Variants in TEX9 observed in about 807,000 individuals in gnomAD.
TEX9 encodes the protein testis-expressed protein 9.
In TEX9, 74 loss-of-function variants were observed where a neutral mutation model predicts 59.6. The ratio of observed to expected loss-of-function variants is 1.24; its 90% CI spans 1.03 to 1.51. The LOEUF (loss-of-function observed/expected upper bound fraction) is 1.51, where lower values mean the gene tolerates loss of function less well. Ranked by LOEUF, TEX9 falls within the 40% of genes most tolerant of loss-of-function variation. The pLI is 0.00. For missense variants in TEX9, 522 were observed against 447.8 expected (o/e 1.17, Z -1.49); for synonymous variants, 186 against 152.2 (o/e 1.22, Z -1.64).
At chr15:56,427,837 C>A in intron 11 of TEX9, 98 bp downstream of exon 11, 2 of 901,734 alleles carry the variant, frequency 2.2e-6, no homozygotes, top group Non-Finnish European at 1.6e-6. Flanking sequence ...GACATCTTTA[C>A]GCACTGAACT....
At chr15:56,441,384 T>A (rs557653899) in intron 12 of TEX9, among the ~76,000 whole-genome samples, 4 of 152,200 alleles carry the variant, frequency 2.6e-5, no homozygotes, top group African/African-American at 9.6e-5. Context: ...ATTCTCTAAA[T>A]GTCAGGTCAA....
At chr15:56,412,546 TTTCTC>T (rs2049410794) in intron 10 of TEX9, 110 bp downstream of exon 10, 5 of 1,205,378 alleles carry the variant, frequency 4.1e-6, no homozygotes, top group Non-Finnish European at 5.7e-6. Context: ...ATGCTGAACA[TTTCTC>T]TTTTCAGAAG....
rs111427204 is a variant in TEX9 at position 56,293,535 on chromosome 15, A to T, written c.-107+49257A>T. Among the ~76,000 whole-genome samples, 302 of 152,296 alleles carry T rather than the reference A, an allele frequency of 2.0e-3. 1 individual carries two copies. Among genetic ancestry groups the T allele is most frequent in the African/African-American group, 6.8e-3 (284 of 41,548 alleles). ...CCCATGAATGTTCTGCCTAATATAA[A>T]TTCTATTCTAGAATGTTCTGGGGTG... is the stretch of plus-strand genomic sequence containing the variant. On this transcript the variant is annotated intron_variant, in intron 1 of 5. Coordinates refer to the TEX9 transcript ENST00000560827.
the TEX9 span, among the ~76,000 whole-genome samples, chr15:56,459,152 A>AT: frequency 1.3e-5 from 2 of 151,934 alleles, no homozygotes; most frequent in Non-Finnish European, 1.5e-5. Context: ...CTACTTATCT[A>AT]TTTTTTGTCT....
intron 1 of TEX9, among the ~76,000 whole-genome samples, chr15:56,259,553 A>G (rs545819066): frequency 3.9e-5 from 6 of 152,078 alleles, no homozygotes; most frequent in Non-Finnish European, 8.8e-5. Context: ...TTGTACATCA[A>G]GTATATATAT....
At chr15:56,269,220 CT>C (rs1264414321) in intron 1 of TEX9, among the ~76,000 whole-genome samples, 83 of 152,126 alleles carry the variant, frequency 5.5e-4, no homozygotes, top group African/African-American at 1.9e-3. Flanking sequence ...CTCTTTTCTT[CT>C]TTATGAGTCT....
Position 56,444,375 on chromosome 15 carries a change from C to T in TEX9, c.*30-1296C>T, listed in dbSNP as rs1292640365. ...AGGCACTGTTCTAGGTGCTTCAGTT[C>T]CTCACAACAAACCTGTGATATATCT... is the stretch of plus-strand genomic sequence containing the variant. On this transcript the variant is annotated intron_variant, in intron 12 of 12. Transcript: ENST00000352903. 16 of 1,341,210 alleles carry T rather than the reference C, an allele frequency of 1.2e-5. No homozygotes were observed. In the South Asian group the frequency reaches 1.7e-4, roughly 14 times the overall value. The allele number at this position is 1,341,210 out of a possible 1,614,324, so 83.1% of individuals were successfully genotyped here. A position where few individuals can be genotyped will look rare whatever the true frequency, so the allele number is the denominator to read the frequency against.
intron 1 of TEX9, among the ~76,000 whole-genome samples, chr15:56,334,442 A>C (rs1351196060): frequency 1.3e-5 from 2 of 152,192 alleles, no homozygotes; most frequent in African/African-American, 2.4e-5. Flanking sequence ...GTGCTGGAAA[A>C]ATTGGATATC....
chr15:56,363,846 T>C (rs2046839260), upstream of TEX9, among the ~76,000 whole-genome samples: 1 of 143,090 alleles, frequency 7.0e-6, no homozygotes, highest in African/African-American at 2.7e-5. Flanking sequence ...TATTTATCTA[T>C]TTCCTTTTTT....
intron 1 of TEX9, among the ~76,000 whole-genome samples, chr15:56,318,268 T>C (rs1241658603): frequency 6.6e-6 from 1 of 152,202 alleles, no homozygotes. Flanking sequence ...TCTTTGTCTC[T>C]GTTAACACTT....
chr15:56,442,211 A>G (rs1314338782), intron 12 of TEX9, among the ~76,000 whole-genome samples: 1 of 152,158 alleles, frequency 6.6e-6, no homozygotes, highest in Admixed American at 6.5e-5. Context: ...CAGAATGGCT[A>G]TTAAAGTCAC....
chr15:56,323,484 G>A (rs1160548047), intron 1 of TEX9: 3 of 188,900 alleles, frequency 1.6e-5, no homozygotes, highest in Non-Finnish European at 3.2e-5. Context: ...TGGGAGAGAT[G>A]TGGAATAACA....
intron 9 of TEX9, among the ~76,000 whole-genome samples, chr15:56,407,002 C>A (rs2049112934): frequency 6.6e-6 from 1 of 151,826 alleles, no homozygotes; most frequent in South Asian, 2.1e-4. Flanking sequence ...GTGCTTTTTT[C>A]CCCATTCTAT....
chr15:56,255,695 T>C (rs2044129904), intron 1 of TEX9, among the ~76,000 whole-genome samples: 1 of 151,960 alleles, frequency 6.6e-6, no homozygotes, highest in Admixed American at 6.6e-5. Flanking sequence ...CCTTTATAAA[T>C]CTAAGAATAT....
intron 7 of TEX9, among the ~76,000 whole-genome samples, chr15:56,392,914 C>G (rs957003328): frequency 2.6e-5 from 4 of 152,090 alleles, no homozygotes; most frequent in Non-Finnish European, 5.9e-5. Context: ...GGTGTCTTCT[C>G]TTTTGGGAGA....
chr15:56,305,533 C>T (rs1347372369), intron 1 of TEX9, among the ~76,000 whole-genome samples: 3 of 152,104 alleles, frequency 2.0e-5, no homozygotes, highest in Admixed American at 1.3e-4. Context: ...AAAAGATAGT[C>T]TCTTCAATAA....
chr15:56,430,102 T>A (rs1373816317), intron 12 of TEX9: 1 of 152,204 alleles, frequency 6.6e-6, no homozygotes, highest in African/African-American at 2.4e-5. Context: ...ATAAAATAAA[T>A]ATGCACTTGA....
rs148934733 is a variant in TEX9 at position 56,388,371 on chromosome 15, G to T, written c.264-101G>T. On this transcript the variant is annotated intron_variant, in intron 4 of 12. Coordinates refer to ENST00000352903, the Ensembl canonical transcript of TEX9. ...ACTAGAATTATAGCAAAGTCTGTTTGATTGTTGAATATTTTCCCTTTCAAA... is the reference window on the plus strand; with the variant it reads ...ACTAGAATTATAGCAAAGTCTGTTTTATTGTTGAATATTTTCCCTTTCAAA... The T allele has an allele frequency of 3.8e-3, 3,569 of 927,342 alleles. 20 individuals are homozygous for T. Among genetic ancestry groups the T allele is most frequent in the Middle Eastern group, 6.9e-3 (20 of 2,898 alleles). 57.4% of individuals were successfully genotyped at this position (927,342 alleles called of 1,614,324 possible). A position where few individuals can be genotyped will look rare whatever the true frequency, so the allele number is the denominator to read the frequency against.
At chr15:56,394,359 G>A (rs915555431) in intron 8 of TEX9, 112 bp downstream of exon 8, 2 of 972,678 alleles carry the variant, frequency 2.1e-6, no homozygotes, top group African/African-American at 3.4e-5. Flanking sequence ...GTTAAATTTT[G>A]AATTCAAAAA....
Sources: allele counts gnomAD v4.1 joint callset (sites outside exome capture counted in the v4.1 genomes callset), GRCh38; gene constraint gnomAD v4.1.1; transcripts MANE v1.5; gene names NCBI Gene and HGNC (gene_info 2026-07-23, HGNC 2026-07-21).